The following TRAF1 variants were observed in gnomAD, a reference collection of about 807,000 sequenced individuals.
TRAF1 encodes TNF receptor associated factor 1.
A neutral mutation model predicts 40.9 loss-of-function variants in TRAF1; 23 were observed. The ratio of observed to expected loss-of-function variants is 0.56; its 90% CI spans 0.40 to 0.80. The LOEUF (loss-of-function observed/expected upper bound fraction) is 0.80, where lower values mean the gene tolerates loss of function less well. TRAF1 is among the 30% of genes least tolerant of loss of function. The probability of loss-of-function intolerance (pLI) is 0.00; values close to 1 mark genes in which losing one functional copy is unlikely to be tolerated. For missense variants in TRAF1, 477 were observed against 528.7 expected (o/e 0.90, Z 0.96); for synonymous variants, 206 against 218.8 (o/e 0.94, Z 0.52).
intron 7 of TRAF1, among the ~76,000 whole-genome samples, chr9:120,908,575 T>C (rs911364585): frequency 6.6e-6 from 1 of 152,172 alleles, no homozygotes; most frequent in Non-Finnish European, 1.5e-5. Flanking sequence ...CTTTTTTTTT[T>C]CTGAGATGGA....
Position 120,905,178 on chromosome 9 carries a change from C to G in TRAF1, c.1093G>C (p.Asp365His). 3.1e-6 allele frequency: 5 copies of G among 1,614,158 alleles called. No individual in the cohort carries two copies. Among genetic ancestry groups the G allele is most frequent in the Non-Finnish European group, 4.2e-6 (5 of 1,180,004 alleles). ...CTCTGGAAGGACGCTGAGCTTAGGT[C>G]AGGCCGGAAGGCGTCAATGGCGTGC... ...REHAIDAFRPDLSSASFQRPQ... is the reference protein window; with the variant it reads ...REHAIDAFRPHLSSASFQRPQ... The change falls in exon 8 of 8, where the codon GAC (aspartate) becomes CAC (histidine). Residue 365 changes from aspartate to histidine, a missense_variant. Coordinates refer to ENST00000373887, the MANE Select transcript of TRAF1 (RefSeq NM_005658.5).
chr9:120,904,783 T>C lies in TRAF1; in HGVS notation c.*237A>G. 1 of 570,582 alleles carries C rather than the reference T, an allele frequency of 1.8e-6. No individual in the cohort carries two copies. Among genetic ancestry groups the C allele is most frequent in the Admixed American group, 3.0e-5 (1 of 32,876 alleles). The allele number at this position is 570,582 out of a possible 1,614,324, so 35.3% of individuals were successfully genotyped here. A position where few individuals can be genotyped will look rare whatever the true frequency, so the allele number is the denominator to read the frequency against. On this transcript the variant is annotated 3_prime_UTR_variant, in exon 8 of 8. Coordinates refer to ENST00000373887, the MANE Select transcript of TRAF1 (RefSeq NM_005658.5). ...TGGCCTCCCAGTGTCGCATGGTCCGTGCAGAGGGGAGCAGCTCTGCCTGTC... is the reference window on the plus strand; with the variant it reads ...TGGCCTCCCAGTGTCGCATGGTCCGCGCAGAGGGGAGCAGCTCTGCCTGTC...
rs1009607325 is a variant in TRAF1 at position 120,923,806 on chromosome 9, G to A, written c.141-14C>T. 6.2e-7 allele frequency: 1 copy of A among 1,613,482 alleles called. No individual in the cohort carries two copies. The highest frequency in any genetic ancestry group is 1.3e-5 in the African/African-American group (1 of 74,880). ...TCCTCGCCATTCCTGGGGAAACATG[G>A]ACAAAGCCTTGGAGAGAGGCACTAC... On this transcript the variant is annotated splice_polypyrimidine_tract_variant and intron_variant, in intron 2 of 7. Transcript: ENST00000373887.
chr9:120,902,539 A>T lies in TRAF1; in HGVS notation c.*2481T>A, dbSNP rs1373401033. ...GGGGGGGGGCGGTGGGCACTGCTGC[A>T]TCTGATGCTGTCTACACTCCAGTTC... On this transcript the variant is annotated 3_prime_UTR_variant, in exon 8 of 8. Transcript: ENST00000373887. The T allele has an allele frequency of 6.6e-6, 1 of 151,004 alleles. No homozygotes were observed. Among genetic ancestry groups the T allele is most frequent in the African/African-American group, 2.4e-5 (1 of 40,858 alleles). The allele number at this position is 151,004 out of a possible 1,614,324, so 9.4% of individuals were successfully genotyped here. A position where few individuals can be genotyped will look rare whatever the true frequency, so the allele number is the denominator to read the frequency against.
At position 120,926,153 on chromosome 9, in the gene TRAF1, G is replaced by T; in HGVS notation, c.-78C>A. 1.4e-6 allele frequency: 2 copies of T among 1,420,270 alleles called. No individual in the cohort carries two copies. The highest frequency in any genetic ancestry group is 1.5e-5 in the South Asian group (1 of 66,322). 88.0% of individuals were successfully genotyped at this position (1,420,270 alleles called of 1,614,324 possible). A position where few individuals can be genotyped will look rare whatever the true frequency, so the allele number is the denominator to read the frequency against. ...GACCAGCCTTGTGGAGTCCTGGCCT[G>T]GGCCTCACTCTCTGGTGAGTAGGAG... On this transcript the variant is annotated 5_prime_UTR_variant, in exon 2 of 8. Transcript: ENST00000373887.
Position 120,903,194 on chromosome 9 carries a change from T to C in TRAF1, c.*1826A>G, listed in dbSNP as rs1160431034. The C allele has an allele frequency of 6.6e-6, 1 of 152,250 alleles. No individual in the cohort carries two copies. Among genetic ancestry groups the C allele is most frequent in the Non-Finnish European group, 1.5e-5 (1 of 68,054 alleles). The allele number at this position is 152,250 out of a possible 1,614,324, so 9.4% of individuals were successfully genotyped here. ...CTCCACAGTCTCCGCTGCCACGCTG[T>C]CAGCCGTGGGAACAATAAAAAGCAG... On this transcript the variant is annotated 3_prime_UTR_variant, in exon 8 of 8. Coordinates refer to ENST00000373887, the MANE Select transcript of TRAF1 (RefSeq NM_005658.5).
chr9:120,908,591 G>A (rs946876022), intron 7 of TRAF1, among the ~76,000 whole-genome samples: 14 of 151,602 alleles, frequency 9.2e-5, no homozygotes, highest in Middle Eastern at 6.8e-3. Flanking sequence ...ATGGAGTCTC[G>A]CTCTGTCACC....
At chr9:120,921,106 T>C (rs1185172015) in intron 3 of TRAF1, among the ~76,000 whole-genome samples, 3 of 152,164 alleles carry the variant, frequency 2.0e-5, no homozygotes, top group African/African-American at 7.2e-5. Context: ...AGGGGGCTGA[T>C]GCCTCTCAGA....
chr9:120,919,405 G>A (rs1376543278), intron 3 of TRAF1, among the ~76,000 whole-genome samples: 1 of 152,180 alleles, frequency 6.6e-6, no homozygotes, highest in Non-Finnish European at 1.5e-5. Flanking sequence ...GCCCTAGCGG[G>A]GGGCCCCATT....
intron 6 of TRAF1, among the ~76,000 whole-genome samples, chr9:120,910,079 C>A (rs2046514926): frequency 6.6e-6 from 1 of 152,184 alleles, no homozygotes; most frequent in Non-Finnish European, 1.5e-5. Flanking sequence ...AGGGGCCATC[C>A]CATGAGAGCA....
chr9:120,904,633 C>T lies in TRAF1; in HGVS notation c.*387G>A, dbSNP rs371422156. ...CAGGCCTGTGTCCAGGTCTCCCTGG[C>T]GGCCCTGCAGAGATCTTCCTAGCCC... On this transcript the variant is annotated 3_prime_UTR_variant, in exon 8 of 8. Transcript: ENST00000373887. 3.5e-5 allele frequency: 8 copies of T among 227,726 alleles called. No homozygotes were observed. Among genetic ancestry groups the T allele is most frequent in the South Asian group, 1.3e-4 (2 of 15,326 alleles). The allele number at this position is 227,726 out of a possible 1,614,324, so 14.1% of individuals were successfully genotyped here.
intron 3 of TRAF1, among the ~76,000 whole-genome samples, chr9:120,923,462 C>T (rs1027382062): frequency 6.6e-6 from 1 of 152,174 alleles, no homozygotes; most frequent in Non-Finnish European, 1.5e-5. Flanking sequence ...GGCCCATGAA[C>T]CGTAGTTTGT....
chr9:120,922,308 C>T (rs2046610762), intron 3 of TRAF1, among the ~76,000 whole-genome samples: 1 of 152,192 alleles, frequency 6.6e-6, no homozygotes, highest in African/African-American at 2.4e-5. Context: ...TTTTACTTAG[C>T]AAAGGCTTTG....
intron 3 of TRAF1, among the ~76,000 whole-genome samples, chr9:120,917,285 A>G (rs1037899964): frequency 6.6e-6 from 1 of 152,098 alleles, no homozygotes; most frequent in African/African-American, 2.4e-5. Context: ...TTCATTCCTT[A>G]GAGTGCACGG....
At chr9:120,907,124 A>G (rs1384701367) in intron 7 of TRAF1, among the ~76,000 whole-genome samples, 1 of 152,200 alleles carries the variant, frequency 6.6e-6, no homozygotes, top group Admixed American at 6.5e-5. Flanking sequence ...GGCCTCCCAA[A>G]GTGCTGATAT....
Position 120,924,021 on chromosome 9 carries a change from A to G in TRAF1, c.141-229T>C, listed in dbSNP as rs41308930. Among the ~76,000 whole-genome samples, 937 of 152,276 alleles carry G rather than the reference A, an allele frequency of 6.2e-3. 21 individuals carry two copies. Among genetic ancestry groups the G allele is most frequent in the Non-Finnish European group, 8.2e-3 (559 of 68,020 alleles). On this transcript the variant is annotated intron_variant, in intron 2 of 7. Coordinates refer to ENST00000373887, the MANE Select transcript of TRAF1 (RefSeq NM_005658.5). Reference sequence around the variant, plus strand: ...ACCTGCCGTGACTGCACTGACCGGAAGCTATTATAGCCCTTACTTGCCCCA... The same window carrying G: ...ACCTGCCGTGACTGCACTGACCGGAGGCTATTATAGCCCTTACTTGCCCCA...
intron 3 of TRAF1, among the ~76,000 whole-genome samples, chr9:120,917,324 C>G (rs2046576126): frequency 6.6e-6 from 1 of 152,050 alleles, no homozygotes; most frequent in South Asian, 2.1e-4. Context: ...CTGGAGCCAG[C>G]CTTTTGGGGT....
Position 120,904,684 on chromosome 9 carries a change from G to A in TRAF1, c.*336C>T, listed in dbSNP as rs752910534. 11 of 304,194 alleles carry A rather than the reference G, an allele frequency of 3.6e-5. No homozygotes were observed. The highest frequency in any genetic ancestry group is 5.7e-5 in the Non-Finnish European group (9 of 159,176). The allele number at this position is 304,194 out of a possible 1,614,324, so 18.8% of individuals were successfully genotyped here. On this transcript the variant is annotated 3_prime_UTR_variant, in exon 8 of 8. Coordinates refer to ENST00000373887, the MANE Select transcript of TRAF1 (RefSeq NM_005658.5). Reference sequence around the variant, plus strand: ...GAGAGCTTCTCTGCTTGGGTCCTACGGTTCCAAGCCTGGTTCCATTTTCTT... The same window carrying A: ...GAGAGCTTCTCTGCTTGGGTCCTACAGTTCCAAGCCTGGTTCCATTTTCTT...
chr9:120,907,681 T>G (rs2046493081), intron 7 of TRAF1, among the ~76,000 whole-genome samples: 1 of 152,240 alleles, frequency 6.6e-6, no homozygotes, highest in Non-Finnish European at 1.5e-5. Context: ...TATGTATTAA[T>G]ATGTAGTGAT....
Sources: gnomAD v4.1 joint callset for allele counts (sites outside exome capture counted in the v4.1 genomes callset) on GRCh38, gnomAD v4.1.1 for gene constraint, MANE v1.5 for transcripts, NCBI Gene and HGNC (gene_info 2026-07-23, HGNC 2026-07-21) for gene names.